Variants in SGSH observed in about 807,000 individuals in gnomAD.
SGSH encodes heparan sulfate sulfatase.
Under a neutral mutation model 51.0 loss-of-function variants are expected in SGSH, and 48 were observed. The ratio of observed to expected loss-of-function variants is 0.94; its 90% CI spans 0.75 to 1.20. The LOEUF (loss-of-function observed/expected upper bound fraction) is 1.20. Ranked by LOEUF, SGSH falls within the 50% of genes most tolerant of loss-of-function variation. The probability of loss-of-function intolerance (pLI) is 0.00; values close to 1 mark genes in which losing one functional copy is unlikely to be tolerated. For synonymous variants in SGSH, 321 were observed against 313.4 expected (o/e 1.02, Z -0.26); for missense variants, 662 against 717.8 (o/e 0.92, Z 0.89).
Position 80,214,223 on chromosome 17 carries a change from C to A in SGSH, c.612G>T (p.Met204Ile). 6.2e-7 allele frequency: 1 copy of A among 1,612,832 alleles called. No individual in the cohort carries two copies. Among genetic ancestry groups the A allele is most frequent in the Non-Finnish European group, 8.5e-7 (1 of 1,179,944 alleles). ...CEKFGNGESG[M>I]GRIPDWTPQA... ...GGGGGGTCCAGTCTGGGATACGACC[C>A]ATGCCGCTCTCTCCGTTGCCAAACT... Residue 204 changes from methionine to isoleucine, a missense_variant, in exon 5 of 8, where the codon ATG (methionine) becomes ATT (isoleucine). Met to Ile is a conservative substitution (Grantham distance 10, BLOSUM62 1). Coordinates refer to ENST00000326317, the MANE Select transcript of SGSH (RefSeq NM_000199.5).
rs954839258 is a variant in SGSH at position 80,209,373 on chromosome 17, A to T, written c.*1079T>A. The T allele has an allele frequency of 2.0e-6, 2 of 985,328 alleles. No individual in the cohort carries two copies. Among genetic ancestry groups the T allele is most frequent in the African/African-American group, 3.5e-5 (2 of 57,226 alleles). 61.0% of individuals were successfully genotyped at this position (985,328 alleles called of 1,614,324 possible). On this transcript the variant is annotated 3_prime_UTR_variant, in exon 8 of 8. Transcript: ENST00000326317. ...CTCCAGCCCACCCCAGTATGGAGTG[A>T]TAGGGAGGGAAGGGCAAGGGGAGCC...
downstream of SGSH, chr17:80,209,260 T>C: frequency 2.1e-6 from 2 of 930,482 alleles, no homozygotes; most frequent in Non-Finnish European, 2.6e-6. Flanking sequence ...AGAATTCAGG[T>C]TGGTATCATC....
chr17:80,201,509 G>A, the SGSH span: 1 of 545,680 alleles, frequency 1.8e-6, no homozygotes, highest in African/African-American at 1.9e-5. This position sits in a 1 kb window ranked among gnomAD's most constrained non-coding sequence, Gnocchi z 5.0. Flanking sequence ...GATCTCGACT[G>A]GGGAAGGGTT....
Position 80,220,268 on chromosome 17 carries a change from C to G in SGSH, c.46G>C (p.Gly16Arg). The G allele has an allele frequency of 6.6e-7, 1 of 1,522,418 alleles. No individual in the cohort carries two copies. Among genetic ancestry groups the G allele is most frequent in the South Asian group, 1.2e-5 (1 of 82,602 alleles). The allele number at this position is 1,522,418 out of a possible 1,614,324, so 94.3% of individuals were successfully genotyped here. A position where few individuals can be genotyped will look rare whatever the true frequency, so the allele number is the denominator to read the frequency against. The change falls in exon 1 of 8, where the codon GGG becomes CGG. Residue 16 changes from glycine to arginine, a missense_variant. Gly to Arg is a moderately radical substitution (Grantham distance 125). Transcript: ENST00000326317. ...PACCALLLVL[G>R]LCRARPRNAL... ...TTCCGGGGACGCGCCCGGCAGAGCC[C>G]CAGGACTAGCAGCAGCGCGCAGCAG...
In SGSH at chr17:80,212,919, G is replaced by A. The variant is rs772461049; in HGVS notation, c.746-645C>T. On this transcript the variant is annotated intron_variant, in intron 6 of 7. Transcript: ENST00000326317. This position sits in a 1 kb window ranked among gnomAD's most constrained non-coding sequence, Gnocchi z 5.9. ...TAAGAAGCGGAAACAGGCCGGGCGC[G>A]GTGCCTCACACCTGTAATCCCAGCA... The A allele has an allele frequency of 1.9e-4, 30 of 161,764 alleles. No individual in the cohort carries two copies. Among genetic ancestry groups the A allele is most frequent in the Admixed American group, 9.9e-4 (17 of 17,258 alleles). 10.0% of individuals were successfully genotyped at this position (161,764 alleles called of 1,614,324 possible).
chr17:80,205,734 A>G, downstream of SGSH: 10 of 1,391,734 alleles, frequency 7.2e-6, no homozygotes, highest in Non-Finnish European at 9.5e-6. Flanking sequence ...AGATAAAGGT[A>G]CAGGGACCGA....
Position 80,211,027 on chromosome 17 carries a change from C to A in SGSH, c.950-16G>T, listed in dbSNP as rs182544870. 2.5e-5 allele frequency: 40 copies of A among 1,598,162 alleles called. No individual in the cohort carries two copies. The highest frequency in any genetic ancestry group is 2.3e-4 in the African/African-American group (17 of 75,032). On this transcript the variant is annotated splice_polypyrimidine_tract_variant and intron_variant, in intron 7 of 7. Transcript: ENST00000326317. ...GGCGTGAGGTCTGGAAGGGACGCGG[C>A]ATCTCAGAGCAGCAGAGCCCTCAGC... is the stretch of plus-strand genomic sequence containing the variant.
chr17:80,217,104 G>A lies in SGSH; in HGVS notation c.177C>T (p.Leu59=), dbSNP rs1567928148. The stretch of plus-strand genomic sequence containing the variant: ...TGACCGAGGTGAAGGCATTGCGAAA[G>A]AGGAGGCTGCGGCGGGCCAAGGCGT... The part of the protein sequence containing the change: ...HLDALARRSL[L]FRNAFTSVSS... The change falls in exon 2 of 8, where the codon CTC becomes CTT. Residue 59 remains leucine, a synonymous_variant. Coordinates refer to ENST00000326317, the MANE Select transcript of SGSH (RefSeq NM_000199.5). 1.9e-6 allele frequency: 3 copies of A among 1,605,926 alleles called. No homozygotes were observed. The highest frequency in any genetic ancestry group is 2.5e-6 in the Non-Finnish European group (3 of 1,177,510).
intron 3 of SGSH, 111 bp downstream of exon 3, chr17:80,214,922 G>A (rs923985941): frequency 3.1e-6 from 4 of 1,295,832 alleles, no homozygotes; most frequent in African/African-American, 2.9e-5. Context: ...CAAGAGCTAA[G>A]GGCAGGCCAC....
At chr17:80,203,746 T>C, downstream of SGSH, 1 of 1,146,504 alleles carries the variant, frequency 8.7e-7, no homozygotes, top group Non-Finnish European at 1.3e-6. This position sits in a 1 kb window ranked among gnomAD's most constrained non-coding sequence, Gnocchi z 4.6. Flanking sequence ...TCCCCCACTC[T>C]CCCCTGCTCG....
intron 7 of SGSH, chr17:80,211,278 G>C: frequency 1.1e-6 from 1 of 937,646 alleles, no homozygotes; most frequent in South Asian, 1.7e-5. Flanking sequence ...CTTTTTGGTA[G>C]CTCGTGTACT....
intron 1 of SGSH, chr17:80,219,559 A>AG (rs1380726060): frequency 6.6e-6 from 1 of 152,304 alleles, no homozygotes; most frequent in Non-Finnish European, 1.5e-5. Context: ...CCCCGCCCAG[A>AG]GACCACAAAA....
At chr17:80,208,602 G>A (rs763818218), downstream of SGSH, 5 of 421,348 alleles carry the variant, frequency 1.2e-5, no homozygotes, top group Non-Finnish European at 1.7e-5. Flanking sequence ...TGGAAACCCT[G>A]AGAATGTTTC....
chr17:80,204,202 C>A, downstream of SGSH: 1 of 1,565,696 alleles, frequency 6.4e-7, no homozygotes. Flanking sequence ...AGCTCCTCCT[C>A]ATCCTTTCTC....
chr17:80,213,282 T>G lies in SGSH; in HGVS notation c.745+522A>C, dbSNP rs113484838. Reference sequence around the variant, plus strand: ...AGGCTTCAGCGGGGATGGGGGCGATTCTGCCGCCAGCCCAGGAACGCCCAG... The same window carrying G: ...AGGCTTCAGCGGGGATGGGGGCGATGCTGCCGCCAGCCCAGGAACGCCCAG... On this transcript the variant is annotated intron_variant, in intron 6 of 7. Transcript: ENST00000326317. The surrounding 1 kb of genome is among the most constrained non-coding windows in gnomAD (Gnocchi z 4.6). The G allele has an allele frequency of 6.4e-3, 984 of 154,042 alleles. 10 individuals carry two copies. The highest frequency in any genetic ancestry group is 0.023 in the African/African-American group (940 of 41,420). 9.5% of individuals were successfully genotyped at this position (154,042 alleles called of 1,614,324 possible).
chr17:80,207,894 G>C (rs1458309675), downstream of SGSH, among the ~76,000 whole-genome samples: 1 of 152,044 alleles, frequency 6.6e-6, no homozygotes, highest in Non-Finnish European at 1.5e-5. Context: ...AAATTACTTG[G>C]TTTCCTGGGG....
chr17:80,210,348 C>T lies in SGSH; in HGVS notation c.*104G>A, dbSNP rs975418645. On this transcript the variant is annotated 3_prime_UTR_variant, in exon 8 of 8. Coordinates refer to ENST00000326317, the MANE Select transcript of SGSH (RefSeq NM_000199.5). ...AACCCTCCTTGGATGGGAGTGTGGA[C>T]GGAAGGGCTGTTGCCACTACTCCCC... 2.9e-5 allele frequency: 42 copies of T among 1,458,504 alleles called. No individual in the cohort carries two copies. The highest frequency in any genetic ancestry group is 1.5e-4 in the East Asian group (6 of 40,170). The allele number at this position is 1,458,504 out of a possible 1,614,324, so 90.3% of individuals were successfully genotyped here. A position where few individuals can be genotyped will look rare whatever the true frequency, so the allele number is the denominator to read the frequency against.
chr17:80,208,117 CCCCAACT>C, downstream of SGSH: 1 of 1,501,188 alleles, frequency 6.7e-7, no homozygotes, highest in African/African-American at 1.4e-5. Context: ...AGCCCGCCCC[CCCCAACT>C]CTGGCCTGTG....
At chr17:80,202,359 C>T (rs772710307), downstream of SGSH, 35 of 1,613,320 alleles carry the variant, frequency 2.2e-5, no homozygotes, top group East Asian at 4.5e-5. Flanking sequence ...GCATGCCCAC[C>T]GCGTGAACTC....
Sources: gnomAD v4.1 joint callset for allele counts (sites outside exome capture counted in the v4.1 genomes callset) on GRCh38, gnomAD v4.1.1 for gene constraint, Gnocchi (gnomAD v3.1) non-coding constraint, MANE v1.5 for transcripts, NCBI Gene and HGNC (gene_info 2026-07-23, HGNC 2026-07-21) for gene names.